The following TRIML2 variants were observed in gnomAD, a reference collection of about 807,000 sequenced individuals.
TRIML2 encodes the protein probable E3 ubiquitin-protein ligase TRIML2.
In TRIML2, 28 loss-of-function variants were observed where a neutral mutation model predicts 31.2. That is an observed-to-expected ratio of 0.90 (90% CI 0.66 to 1.23). TRIML2 has a LOEUF of 1.23. TRIML2 is among the 50% of genes most tolerant of loss of function. The pLI is 0.00. For missense variants in TRIML2, 536 were observed against 528.3 expected (o/e 1.01, Z -0.14); for synonymous variants, 187 against 197.5 (o/e 0.95, Z 0.45).
At chr4:188,093,086 C>T (rs142909444) in intron 7 of TRIML2, 123 of 346,924 alleles carry the variant, frequency 3.5e-4, no homozygotes, top group African/African-American at 1.3e-3. Context: ...GGAACTTCAA[C>T]GCCAGCCCTC....
At chr4:188,098,119 C>T (rs1218716366) in intron 5 of TRIML2, 8 of 259,192 alleles carry the variant, frequency 3.1e-5, no homozygotes, top group African/African-American at 1.3e-4. Context: ...GACTCCGTCT[C>T]GGGGAAAAAA....
chr4:188,102,101 G>C (rs1449184998), intron 3 of TRIML2, among the ~76,000 whole-genome samples: 1 of 145,866 alleles, frequency 6.9e-6, no homozygotes, highest in Admixed American at 7.0e-5. Context: ...CCGCACTCCA[G>C]CCTGGGCGAC....
chr4:188,094,166 A>G (rs976901191), intron 7 of TRIML2, among the ~76,000 whole-genome samples: 3 of 152,208 alleles, frequency 2.0e-5, no homozygotes, highest in Non-Finnish European at 4.4e-5. Flanking sequence ...CTATAGCTGT[A>G]TCAGAATTTA....
chr4:188,097,034 T>G, intron 7 of TRIML2, 27 bp downstream of exon 7: 1 of 1,464,230 alleles, frequency 6.8e-7, no homozygotes, highest in South Asian at 1.1e-5. Context: ...AACAGTGCCC[T>G]GTGAGTATTC....
intron 1 of TRIML2, among the ~76,000 whole-genome samples, chr4:188,108,455 C>T (rs1213552188): frequency 6.6e-6 from 1 of 152,128 alleles, no homozygotes; most frequent in African/African-American, 2.4e-5. Flanking sequence ...TCTGTCCTGC[C>T]CTCCTCGTCC....
chr4:188,098,942 T>C (rs1215195605), intron 5 of TRIML2, 93 bp downstream of exon 5: 1 of 1,393,326 alleles, frequency 7.2e-7, no homozygotes. Flanking sequence ...TCATTGGATA[T>C]TGTGTTCTGA....
rs145561633 is a variant in TRIML2 at position 188,091,695 on chromosome 4, G to T, written c.992C>A (p.Thr331Lys). Residue 331 changes from threonine (T) to lysine (K), a missense_variant, in exon 8 of 8, where the codon ACG becomes AAG. By Grantham distance (78) the Thr-to-Lys change is moderately conservative. Coordinates refer to ENST00000682553, the MANE Select transcript of TRIML2 (RefSeq NM_173553.4). ...GACTTTCTCTCCGGAAGCTCTGGCC[G>T]TGCTGCCCTTCGCGTCTGCAGAGCC... ...YHGSADAKGS[T>K]ARASGEKVLL... 2 of 1,613,196 alleles carry T rather than the reference G, an allele frequency of 1.2e-6. No homozygotes were observed. Among genetic ancestry groups the T allele is most frequent in the South Asian group, 1.1e-5 (1 of 91,072 alleles).
intron 3 of TRIML2, among the ~76,000 whole-genome samples, chr4:188,102,391 C>T (rs947310881): frequency 6.6e-6 from 1 of 151,938 alleles, no homozygotes; most frequent in Non-Finnish European, 1.5e-5. Context: ...GAGGAGTGTG[C>T]GTTAGCTCGG....
In TRIML2 at chr4:188,108,571, G is replaced by C. The variant is rs112879534; in HGVS notation, c.-223+672C>G. ...ATGGCATTAGAGTAAGATCGAAGTG[G>C]GTAATAACCCCGTCCTATACAATCT... On this transcript the variant is annotated intron_variant, in intron 1 of 7. Coordinates refer to ENST00000682553, the MANE Select transcript of TRIML2 (RefSeq NM_173553.4). Among the ~76,000 whole-genome samples, 528 of 152,214 alleles carry C rather than the reference G, an allele frequency of 3.5e-3. 7 individuals are homozygous for C. The highest frequency in any genetic ancestry group is 0.012 in the African/African-American group (487 of 41,540).
rs146658781 is a variant in TRIML2, at chr4:188,108,315, C to A, written c.-223+928G>T. Among the ~76,000 whole-genome samples, 594 of 152,286 alleles carry A rather than the reference C, an allele frequency of 3.9e-3. 11 individuals are homozygous for A. The East Asian group carries it at 0.043, about 11-fold the overall frequency. ...TTTGCAATAGAATGTCTAAGGAGCACTCAAAATTAACATATCTAAAGCCGC... is the reference window on the plus strand; with the variant it reads ...TTTGCAATAGAATGTCTAAGGAGCAATCAAAATTAACATATCTAAAGCCGC... On this transcript the variant is annotated intron_variant, in intron 1 of 7. Transcript: ENST00000682553.
intron 3 of TRIML2, 149 bp from the exon 4 acceptor site, chr4:188,101,399 T>C: frequency 2.1e-6 from 1 of 466,202 alleles, no homozygotes; most frequent in Non-Finnish European, 3.5e-6. Flanking sequence ...CTAACCCCAA[T>C]ATAAAGACAA....
chr4:188,104,645 G>A (rs897487389), intron 3 of TRIML2, among the ~76,000 whole-genome samples, 192 bp downstream of exon 3: 5 of 152,160 alleles, frequency 3.3e-5, no homozygotes, highest in African/African-American at 1.2e-4. Context: ...TTACAGGCGT[G>A]AGCCACCACA....
intron 3 of TRIML2, among the ~76,000 whole-genome samples, chr4:188,103,058 G>A (rs1733871756): frequency 7.1e-6 from 1 of 140,986 alleles, no homozygotes; most frequent in Non-Finnish European, 1.5e-5. Context: ...TGTCGCCCAG[G>A]CTGGAGTGCA....
chr4:188,098,892 G>T, intron 5 of TRIML2, 143 bp downstream of exon 5: 2 of 930,712 alleles, frequency 2.1e-6, no homozygotes, highest in Non-Finnish European at 1.6e-6. Context: ...GCTTTTGGCA[G>T]CTGAAAGAAA....
At chr4:188,096,972 C>T (rs1335398019) in intron 7 of TRIML2, 89 bp downstream of exon 7, 2 of 1,029,186 alleles carry the variant, frequency 1.9e-6, no homozygotes, top group Non-Finnish European at 3.0e-6. Context: ...TGTTAAACTA[C>T]TGGAATTTGT....
At chr4:188,102,358 T>C (rs891022197) in intron 3 of TRIML2, among the ~76,000 whole-genome samples, 2 of 152,040 alleles carry the variant, frequency 1.3e-5, no homozygotes, top group African/African-American at 4.8e-5. Flanking sequence ...AGAGAATCTA[T>C]GGAAAGGCTG....
At chr4:188,092,461 AAAACAAACAAACAAAC>A (rs138651647) in intron 7 of TRIML2, among the ~76,000 whole-genome samples, 1 of 149,792 alleles carries the variant, frequency 6.7e-6, no homozygotes, top group Non-Finnish European at 1.5e-5. Flanking sequence ...ACTCCATCTC[AAAACAAACAAACAAAC>A]AAACAAACAA....
chr4:188,093,055 C>T, intron 7 of TRIML2: 1 of 355,464 alleles, frequency 2.8e-6, no homozygotes, highest in Non-Finnish European at 5.6e-6. Flanking sequence ...ACAGGAATTT[C>T]AAACATAACA....
At chr4:188,104,172 C>T (rs1733924596) in intron 3 of TRIML2, among the ~76,000 whole-genome samples, 1 of 152,104 alleles carries the variant, frequency 6.6e-6, no homozygotes, top group African/African-American at 2.4e-5. Flanking sequence ...TAAACGGTGT[C>T]GTTAATCTTT....
Sources: gnomAD v4.1 joint callset for allele counts (sites outside exome capture counted in the v4.1 genomes callset) on GRCh38, gnomAD v4.1.1 for gene constraint, MANE v1.5 for transcripts, NCBI Gene and HGNC (gene_info 2026-07-23, HGNC 2026-07-21) for gene names.